Variants in TWIST1 observed in about 807,000 individuals in gnomAD.
The protein encoded by TWIST1 is twist-related protein 1.
A neutral mutation model predicts 12.9 loss-of-function variants in TWIST1; 8 were observed. That is an observed-to-expected ratio of 0.62 (90% confidence interval 0.37 to 1.12). TWIST1 has a LOEUF of 1.12. Among genes scored for constraint, TWIST1 ranks in the 50% most tolerant of loss-of-function variants. The pLI, the probability that TWIST1 is intolerant of heterozygous loss-of-function variation, is 0.02. For synonymous variants in TWIST1, 169 were observed against 138.7 expected, an observed-to-expected ratio of 1.22 and a Z score of -1.54; for missense variants, 268 against 299.7, an observed-to-expected ratio of 0.89 and a Z score of 0.78.
In TWIST1 at chr7:19,116,095, G is replaced by C. The variant is rs1252126555; in HGVS notation, c.*79C>G. On this transcript the variant is annotated 3_prime_UTR_variant, in exon 2 of 2. Transcript: ENST00000242261. Reference sequence around the variant, plus strand: ...TAGTTATCCAGCTCCAGAGTCTCTAGACTGTCCATTTTCTCCTTCTCTGGA... The same window carrying C: ...TAGTTATCCAGCTCCAGAGTCTCTACACTGTCCATTTTCTCCTTCTCTGGA... 6.9e-6 allele frequency: 1 copy of C among 145,556 alleles called. No individual in the cohort carries two copies. 9.0% of individuals were successfully genotyped at this position (145,556 alleles called of 1,614,324 possible).
In TWIST1 at chr7:19,116,959, G is replaced by C. The variant is rs766765001; in HGVS notation, c.363C>G (p.Thr121=). Residue 121 remains threonine (T), a synonymous_variant, in exon 1 of 2, where the codon ACC becomes ACG. Coordinates refer to ENST00000242261, the MANE Select transcript of TWIST1 (RefSeq NM_000474.4). Reference sequence around the variant, plus strand: ...CGGCGAACGCCTCGTTCAGCGACTGGGTGCGCTGGCGCTCCCGCACGTTGG... The same window carrying C: ...CGGCGAACGCCTCGTTCAGCGACTGCGTGCGCTGGCGCTCCCGCACGTTGG... ...VMANVRERQR[T]QSLNEAFAAL... 3 of 1,613,490 alleles carry C rather than the reference G, an allele frequency of 1.9e-6. No individual in the cohort carries two copies. The highest frequency in any genetic ancestry group is 2.5e-6 in the Non-Finnish European group (3 of 1,179,908).
In TWIST1 at chr7:19,116,791, A is replaced by G. The variant is rs201837657; in HGVS notation, c.531T>C (p.Tyr177=). The G allele has an allele frequency of 6.2e-7, 1 of 1,614,054 alleles. No individual in the cohort carries two copies. ...CGTAGCTGAGCCGCTCGTGAGCCAC[A>G]TAGCTGCAGCTTGCCATCTTGGAGT... ...ELDSKMASCS[Y]VAHERLSYAF... is the part of the protein sequence containing the mutation. The change falls in exon 1 of 2, where the codon TAT becomes TAC. Residue 177 remains tyrosine, a synonymous_variant. Coordinates refer to ENST00000242261, the MANE Select transcript of TWIST1 (RefSeq NM_000474.4).
chr7:19,116,606 C>T (rs1788571710), intron 1 of TWIST1, 65 bp downstream of exon 1: 23 of 1,315,012 alleles, frequency 1.7e-5, no homozygotes, highest in Non-Finnish European at 2.3e-5. Context: ...GACTGGGAAC[C>T]GCGGCCTGGC....
chr7:19,115,075 T>C (rs1393403562), downstream of TWIST1, among the ~76,000 whole-genome samples: 1 of 152,200 alleles, frequency 6.6e-6, no homozygotes, highest in Non-Finnish European at 1.5e-5. Context: ...ACCTGTTATT[T>C]AGGAATCTTC....
chr7:19,116,589 C>A, intron 1 of TWIST1, 82 bp downstream of exon 1: 6 of 1,102,638 alleles, frequency 5.4e-6, no homozygotes, highest in South Asian at 3.0e-5. Flanking sequence ...GGGAGGAAAT[C>A]GAGGTGGACT....
rs1216916169 is a variant in TWIST1 at position 19,116,725 on chromosome 7, G to A, written c.597C>T (p.Ser199=). Residue 199 remains serine, a synonymous_variant, in exon 1 of 2, where the codon TCC becomes TCT. Coordinates refer to ENST00000242261, the MANE Select transcript of TWIST1 (RefSeq NM_000474.4). ...GGGGCTCCGCCTGCTAGTGGGACGCGGACATGGACCAGGCCCCCTCCATCC... is the reference window on the plus strand; with the variant it reads ...GGGGCTCCGCCTGCTAGTGGGACGCAGACATGGACCAGGCCCCCTCCATCC... ...VWRMEGAWSM[S]ASH 6.2e-7 allele frequency: 1 copy of A among 1,608,704 alleles called. No individual in the cohort carries two copies.
intron 1 of TWIST1, 24 bp downstream of exon 1, chr7:19,116,647 G>A: frequency 6.6e-7 from 1 of 1,521,274 alleles, no homozygotes; most frequent in African/African-American, 1.4e-5. Flanking sequence ...GAGAGGCGAA[G>A]GGGTGCAGCG....
At position 19,115,782 on chromosome 7, in the gene TWIST1, C is replaced by T. The variant is rs1788551493; in HGVS notation, c.*392G>A. Reference sequence around the variant, plus strand: ...AAATAGAGAAAGTCCATAGTGATGCCTTTCCTTTCAGTGGCTGATTGGCAC... The same window carrying T: ...AAATAGAGAAAGTCCATAGTGATGCTTTTCCTTTCAGTGGCTGATTGGCAC... On this transcript the variant is annotated 3_prime_UTR_variant, in exon 2 of 2. Transcript: ENST00000242261. The T allele has an allele frequency of 6.7e-6, 1 of 150,140 alleles. No homozygotes were observed. The highest frequency in any genetic ancestry group is 6.7e-5 in the Admixed American group (1 of 14,998). The allele number at this position is 150,140 out of a possible 1,614,324, so 9.3% of individuals were successfully genotyped here. A position where few individuals can be genotyped will look rare whatever the true frequency, so the allele number is the denominator to read the frequency against.
chr7:19,115,917 G>C lies in TWIST1; in HGVS notation c.*257C>G, dbSNP rs1788555539. 6.6e-6 allele frequency: 1 copy of C among 152,052 alleles called. No homozygotes were observed. The highest frequency in any genetic ancestry group is 2.4e-5 in the African/African-American group (1 of 41,234). 9.4% of individuals were successfully genotyped at this position (152,052 alleles called of 1,614,324 possible). A position where few individuals can be genotyped will look rare whatever the true frequency, so the allele number is the denominator to read the frequency against. On this transcript the variant is annotated 3_prime_UTR_variant, in exon 2 of 2. Transcript: ENST00000242261. ...GTTCAGACTTCTATCAGAATGCAGA[G>C]GTGTGAGGATGGTGCCGCTGCCCGT...
At position 19,117,178 on chromosome 7, in the gene TWIST1, G is replaced by C; in HGVS notation, c.144C>G (p.Gly48=). 3 of 1,124,284 alleles carry C rather than the reference G, an allele frequency of 2.7e-6. No homozygotes were observed. The highest frequency in any genetic ancestry group is 3.2e-6 in the Non-Finnish European group (3 of 923,098). 69.6% of individuals were successfully genotyped at this position (1,124,284 alleles called of 1,614,324 possible). Residue 48 remains glycine, a synonymous_variant, in exon 1 of 2, where the codon GGC becomes GGG. Coordinates refer to ENST00000242261, the MANE Select transcript of TWIST1 (RefSeq NM_000474.4). ...KRRSSRRSAG[G]GAGPGGAAGG... ...CCGCGGCTCCGCCGGGCCCCGCGCC[G>C]CCGCCCGCGCTGCGCCTGCTGCTGC...
rs1788547301 is a variant in TWIST1, at chr7:19,115,581, G to C, written c.*593C>G. 1.3e-5 allele frequency: 2 copies of C among 151,954 alleles called. No homozygotes were observed. Among genetic ancestry groups the C allele is most frequent in the African/African-American group, 4.8e-5 (2 of 41,276 alleles). 9.4% of individuals were successfully genotyped at this position (151,954 alleles called of 1,614,324 possible). ...CCGGATCTATTTGCATTTTACCATG[G>C]GTCCTCAATAAATAAATAGAATGTT... On this transcript the variant is annotated 3_prime_UTR_variant, in exon 2 of 2. Transcript: ENST00000242261.
At chr7:19,113,093 G>A (rs1275473044), downstream of TWIST1, 2 of 152,174 alleles carry the variant, frequency 1.3e-5, no homozygotes, top group African/African-American at 4.8e-5. Flanking sequence ...TCCACTTTGG[G>A]GAGGGGAACC....
At position 19,115,838 on chromosome 7, in the gene TWIST1, TA is replaced by T. The variant is rs1016089458; in HGVS notation, c.*335del. ...CTTGAGAATGCATGCATGAAAAAAA[TA>T]AAAATAAAAACATTCTTCGTCAAAA... On this transcript the variant is annotated 3_prime_UTR_variant, in exon 2 of 2. Transcript: ENST00000242261. 2.9e-5 allele frequency: 1 copy of T among 34,268 alleles called. No homozygotes were observed. The highest frequency in any genetic ancestry group is 7.2e-5 in the Non-Finnish European group (1 of 13,884). The allele number at this position is 34,268 out of a possible 1,614,324, so 2.1% of individuals were successfully genotyped here. A position where few individuals can be genotyped will look rare whatever the true frequency, so the allele number is the denominator to read the frequency against.
chr7:19,114,688 G>T (rs1415223410), downstream of TWIST1, among the ~76,000 whole-genome samples: 1 of 151,980 alleles, frequency 6.6e-6, no homozygotes, highest in African/African-American at 2.4e-5. Context: ...AAAATATAAC[G>T]CTAATGAACT....
chr7:19,117,145 G>T lies in TWIST1; in HGVS notation c.177C>A (p.Gly59=), dbSNP rs1032946146. The T allele has an allele frequency of 9.2e-6, 10 of 1,082,998 alleles. No individual in the cohort carries two copies. The highest frequency in any genetic ancestry group is 1.0e-5 in the Non-Finnish European group (9 of 893,382). 67.1% of individuals were successfully genotyped at this position (1,082,998 alleles called of 1,614,324 possible). A position where few individuals can be genotyped will look rare whatever the true frequency, so the allele number is the denominator to read the frequency against. The change falls in exon 1 of 2, where the codon GGC becomes GGA. Residue 59 remains glycine (G), a synonymous_variant. Coordinates refer to ENST00000242261, the MANE Select transcript of TWIST1 (RefSeq NM_000474.4). ...TGCCCGGCTCGTCGCCGCCTCCGAC[G>T]CCCCCACCCGCGGCTCCGCCGGGCC... ...GAGPGGAAGG[G]VGGGDEPGSP...
At chr7:19,114,413 A>T (rs749568368), downstream of TWIST1, 1 of 152,218 alleles carries the variant, frequency 6.6e-6, no homozygotes, top group Non-Finnish European at 1.5e-5. Context: ...TGTTTGAAAC[A>T]GGCACCAAAA....
chr7:19,113,508 T>G (rs1788510406), downstream of TWIST1: 2 of 152,218 alleles, frequency 1.3e-5, no homozygotes, highest in South Asian at 4.1e-4. Context: ...TGGCTTCATT[T>G]CTATTCTAAA....
At chr7:19,116,528 C>T in intron 1 of TWIST1, 143 bp downstream of exon 1, 2 of 730,836 alleles carry the variant, frequency 2.7e-6, no homozygotes, top group Non-Finnish European at 4.4e-6. Flanking sequence ...GCTGGGGGCG[C>T]GAGGCAACGG....
At chr7:19,114,782 T>A (rs1788533724), downstream of TWIST1, among the ~76,000 whole-genome samples, 3 of 152,228 alleles carry the variant, frequency 2.0e-5, no homozygotes, top group Admixed American at 2.0e-4. Context: ...TACTGAAAGT[T>A]CAGGATCTTC....
Sources: allele counts gnomAD v4.1 joint callset (sites outside exome capture counted in the v4.1 genomes callset), GRCh38; gene constraint gnomAD v4.1.1; transcripts MANE v1.5; gene names NCBI Gene and HGNC (gene_info 2026-07-23, HGNC 2026-07-21).